Variants in ELF1 observed in about 807,000 individuals in gnomAD.
ELF1 encodes the protein ETS-related transcription factor Elf-1.
In ELF1, 24 loss-of-function variants were observed where a neutral mutation model predicts 59.9. The ratio of observed to expected loss-of-function variants is 0.40; its 90% CI spans 0.29 to 0.56. The LOEUF is 0.56. Ranked by LOEUF, ELF1 falls within the 20% of genes least tolerant of loss-of-function variation. The pLI is 0.44. For synonymous variants in ELF1, 248 were observed against 266.2 expected, an observed-to-expected ratio of 0.93 and a Z score of 0.67; for missense variants, 627 against 742.2, an observed-to-expected ratio of 0.84 and a Z score of 1.80.
At chr13:41,046,328 CT>C (rs758445191) in intron 1 of ELF1, among the ~76,000 whole-genome samples, 1 of 152,212 alleles carries the variant, frequency 6.6e-6, no homozygotes, top group Non-Finnish European at 1.5e-5. Flanking sequence ...CCTGTCATTA[CT>C]ATGTTAGTTG....
At chr13:40,958,140 A>G (rs1455292664) in intron 3 of ELF1, among the ~76,000 whole-genome samples, 1 of 152,268 alleles carries the variant, frequency 6.6e-6, no homozygotes, top group Non-Finnish European at 1.5e-5. Flanking sequence ...AAAAAGAGAA[A>G]GCATGTACCA....
At chr13:40,989,556 A>G (rs921324571) in intron 1 of ELF1, among the ~76,000 whole-genome samples, 2 of 152,124 alleles carry the variant, frequency 1.3e-5, no homozygotes, top group Non-Finnish European at 1.5e-5. Flanking sequence ...TTTTTAATTA[A>G]TTTTTTTATT....
intron 1 of ELF1, chr13:40,992,968 C>G: frequency 2.1e-6 from 2 of 961,400 alleles, no homozygotes; most frequent in Non-Finnish European, 1.7e-6. Flanking sequence ...TTGTTCTGTT[C>G]TTTCTTTAAG....
At chr13:41,035,739 A>T (rs1876349253) in intron 1 of ELF1, among the ~76,000 whole-genome samples, 1 of 151,680 alleles carries the variant, frequency 6.6e-6, no homozygotes, top group Non-Finnish European at 1.5e-5. Flanking sequence ...AAAAAAAAAA[A>T]AAAGGAAAAC....
At chr13:41,026,508 A>G (rs1875922212) in intron 1 of ELF1, among the ~76,000 whole-genome samples, 1 of 152,154 alleles carries the variant, frequency 6.6e-6, no homozygotes, top group Non-Finnish European at 1.5e-5. Context: ...AGCAGATCCA[A>G]TGGTACTTGA....
rs941753846 is a variant in ELF1 at position 40,949,746 on chromosome 13, T to C, written c.529+60A>G. The C allele has an allele frequency of 5.3e-5, 83 of 1,566,606 alleles. No individual in the cohort carries two copies. The Admixed American group carries it at 1.5e-3, about 29-fold the overall frequency. ...AGGAAAGAACTATGTAGAATAAAAGTGATATCTAGATTTCACACCAAGACT... is the reference window on the plus strand; with the variant it reads ...AGGAAAGAACTATGTAGAATAAAAGCGATATCTAGATTTCACACCAAGACT... On this transcript the variant is annotated intron_variant, in intron 5 of 8. Coordinates refer to ENST00000239882, the MANE Select transcript of ELF1 (RefSeq NM_172373.4).
chr13:40,961,534 G>C (rs1037029404), intron 2 of ELF1, among the ~76,000 whole-genome samples: 1 of 151,852 alleles, frequency 6.6e-6, no homozygotes, highest in African/African-American at 2.4e-5. Flanking sequence ...CTGTACTTCA[G>C]CCTGGGCAAC....
chr13:40,963,779 A>G (rs773345419), intron 2 of ELF1, among the ~76,000 whole-genome samples: 28 of 152,038 alleles, frequency 1.8e-4, no homozygotes, highest in Non-Finnish European at 3.4e-4. Flanking sequence ...TGGTGGCATG[A>G]GCCTATAGTC....
chr13:41,059,303 A>T (rs1877405128), intron 1 of ELF1, among the ~76,000 whole-genome samples: 1 of 152,274 alleles, frequency 6.6e-6, no homozygotes, highest in African/African-American at 2.4e-5. Flanking sequence ...TATTCCATTC[A>T]GTATTCTATC....
intron 2 of ELF1, among the ~76,000 whole-genome samples, chr13:40,972,368 A>G (rs1364441540): frequency 6.6e-6 from 1 of 152,240 alleles, no homozygotes; most frequent in African/African-American, 2.4e-5. Flanking sequence ...AGTCCACCAG[A>G]TTTTTAAAAT....
At chr13:41,029,581 C>T (rs1456813695) in intron 1 of ELF1, among the ~76,000 whole-genome samples, 1 of 151,912 alleles carries the variant, frequency 6.6e-6, no homozygotes, top group Non-Finnish European at 1.5e-5. Context: ...GAGGTTTTGC[C>T]ATGTTGCCCA....
intron 1 of ELF1, among the ~76,000 whole-genome samples, chr13:41,042,390 T>C (rs1876653882): frequency 6.6e-6 from 1 of 152,044 alleles, no homozygotes; most frequent in Admixed American, 6.6e-5. Context: ...ACATGTGCCA[T>C]GTTGGTATGC....
chr13:41,005,616 A>C (rs977333374), intron 1 of ELF1, among the ~76,000 whole-genome samples: 1 of 151,922 alleles, frequency 6.6e-6, no homozygotes, highest in African/African-American at 2.4e-5. Context: ...CAACCAAACT[A>C]TCTCTACTCC....
At chr13:41,000,000 G>A (rs1304291293) in intron 1 of ELF1, among the ~76,000 whole-genome samples, 2 of 152,094 alleles carry the variant, frequency 1.3e-5, no homozygotes, top group Non-Finnish European at 2.9e-5. Flanking sequence ...TATATGAACT[G>A]TTGCATCTTT....
chr13:41,017,979 T>C (rs1427140816), intron 1 of ELF1, among the ~76,000 whole-genome samples: 2 of 152,148 alleles, frequency 1.3e-5, no homozygotes, highest in Non-Finnish European at 2.9e-5. Context: ...AAAATTGAGA[T>C]CTGTTAATAT....
At position 40,982,009 on chromosome 13, in the gene ELF1, T is replaced by C; in HGVS notation, c.46A>G (p.Ser16Gly). The C allele has an allele frequency of 1.9e-6, 3 of 1,610,986 alleles. No homozygotes were observed. Among genetic ancestry groups the C allele is most frequent in the African/African-American group, 1.3e-5 (1 of 74,886 alleles). ...TGTCGTTCATCCTCCATGACGTTAC[T>C]AGCAAATTCAAATACTAGGTCGTTC... The part of the protein sequence containing the change: ...QQNDLVFEFA[S>G]NVMEDERQLG... Residue 16 changes from serine (S) to glycine (G), a missense_variant, in exon 2 of 9, where the codon AGT becomes GGT. Ser to Gly is a moderately conservative substitution (Grantham distance 56, BLOSUM62 0). Coordinates refer to ENST00000239882, the MANE Select transcript of ELF1 (RefSeq NM_172373.4).
intron 7 of ELF1, among the ~76,000 whole-genome samples, chr13:40,942,418 T>C (rs1870234409): frequency 6.6e-6 from 1 of 152,238 alleles, no homozygotes; most frequent in Admixed American, 6.5e-5. Flanking sequence ...TTAAGAATGT[T>C]ACTCTTGTTC....
intron 2 of ELF1, among the ~76,000 whole-genome samples, chr13:40,966,629 T>C (rs1872190915): frequency 1.3e-5 from 2 of 152,200 alleles, no homozygotes; most frequent in Admixed American, 6.5e-5. Flanking sequence ...TCAGAAACCA[T>C]GAATCATTAT....
intron 1 of ELF1, among the ~76,000 whole-genome samples, chr13:41,008,993 T>C (rs968945156): frequency 6.6e-6 from 1 of 151,996 alleles, no homozygotes; most frequent in African/African-American, 2.4e-5. Context: ...CCTGCTATGT[T>C]GCCTGGGTTG....
Sources: gnomAD v4.1 joint callset for allele counts (sites outside exome capture counted in the v4.1 genomes callset) on GRCh38, gnomAD v4.1.1 for gene constraint, MANE v1.5 for transcripts, NCBI Gene and HGNC (gene_info 2026-07-23, HGNC 2026-07-21) for gene names.